SHISA9: variants seen among roughly 807,000 people sequenced by gnomAD.
SHISA9 encodes the protein shisa family member 9.
Under a neutral mutation model 38.0 loss-of-function variants are expected in SHISA9, and 13 were observed. That is an observed-to-expected ratio of 0.34 (90% confidence interval 0.22 to 0.54). The LOEUF is 0.54. Ranked by LOEUF, SHISA9 falls within the 20% of genes least tolerant of loss-of-function variation. The pLI, the probability that SHISA9 is intolerant of heterozygous loss-of-function variation, is 0.91. For missense variants in SHISA9, 538 were observed against 575.8 expected (o/e 0.93, Z 0.67); for synonymous variants, 275 against 242.0 (o/e 1.14, Z -1.27).
intron 2 of SHISA9, among the ~76,000 whole-genome samples, chr16:13,000,156 C>T (rs939004140): frequency 6.6e-6 from 1 of 151,830 alleles, no homozygotes; most frequent in African/African-American, 2.4e-5. Flanking sequence ...TGGAGTCAGA[C>T]GTCCCTGAAA....
the SHISA9 span, among the ~76,000 whole-genome samples, chr16:13,475,382 A>G: frequency 6.6e-6 from 1 of 151,718 alleles, no homozygotes; most frequent in Non-Finnish European, 1.5e-5. Context: ...AAACAATTAT[A>G]TATGAAAGAG....
intron 2 of SHISA9, among the ~76,000 whole-genome samples, chr16:13,149,702 A>G (rs1318690342): frequency 6.6e-6 from 1 of 152,026 alleles, no homozygotes; most frequent in Non-Finnish European, 1.5e-5. Flanking sequence ...AGGCAGGTGG[A>G]TCACTTGAGG....
the SHISA9 span, among the ~76,000 whole-genome samples, chr16:13,356,200 G>C: frequency 6.6e-6 from 1 of 152,194 alleles, no homozygotes; most frequent in Non-Finnish European, 1.5e-5. Context: ...ATTAAATCCT[G>C]TTGTGGGGTT....
intron 2 of SHISA9, among the ~76,000 whole-genome samples, chr16:13,016,224 C>T (rs1416038525): frequency 6.6e-6 from 1 of 151,842 alleles, no homozygotes; most frequent in African/African-American, 2.4e-5. Flanking sequence ...ATCTGCCTAT[C>T]TTGGCCTCCC....
chr16:12,956,959 T>C (rs2071844170), intron 2 of SHISA9, among the ~76,000 whole-genome samples: 1 of 152,190 alleles, frequency 6.6e-6, no homozygotes, highest in African/African-American at 2.4e-5. Flanking sequence ...TGTATATATA[T>C]TCATCACCAA....
At chr16:13,301,785 G>C in the SHISA9 span, among the ~76,000 whole-genome samples, 33 of 152,264 alleles carry the variant, frequency 2.2e-4, no homozygotes, top group African/African-American at 7.7e-4. Context: ...AGGAGCATGG[G>C]CTTTGGAATG....
At chr16:13,545,798 G>C in the SHISA9 span, among the ~76,000 whole-genome samples, 1 of 152,118 alleles carries the variant, frequency 6.6e-6, no homozygotes, top group Non-Finnish European at 1.5e-5. Flanking sequence ...CACCGGTCCC[G>C]ATCCGCTTCT....
At chr16:13,116,638 G>A (rs1485993108) in intron 2 of SHISA9, among the ~76,000 whole-genome samples, 1 of 152,196 alleles carries the variant, frequency 6.6e-6, no homozygotes, top group Admixed American at 6.5e-5. Context: ...CATGGTGGGT[G>A]CTCAGCAAGT....
At chr16:13,000,874 G>A (rs2072515463) in intron 2 of SHISA9, among the ~76,000 whole-genome samples, 1 of 152,196 alleles carries the variant, frequency 6.6e-6, no homozygotes, top group Admixed American at 6.5e-5. Context: ...GGACAGCTGG[G>A]AGATGAAAAT....
At chr16:13,028,461 C>G (rs1206593952) in intron 2 of SHISA9, among the ~76,000 whole-genome samples, 1 of 152,100 alleles carries the variant, frequency 6.6e-6, no homozygotes, top group Non-Finnish European at 1.5e-5. Context: ...AAAGACACGT[C>G]TTACATGGTG....
At chr16:13,059,977 C>G (rs1260398700) in intron 2 of SHISA9, among the ~76,000 whole-genome samples, 2 of 152,186 alleles carry the variant, frequency 1.3e-5, no homozygotes, top group Non-Finnish European at 2.9e-5. Flanking sequence ...GCCATCCTGT[C>G]TGTGGTTCTT....
At chr16:13,012,700 A>G (rs894361307) in intron 2 of SHISA9, among the ~76,000 whole-genome samples, 9 of 152,196 alleles carry the variant, frequency 5.9e-5, no homozygotes, top group African/African-American at 2.2e-4. Context: ...TAGCCACAGC[A>G]TCATAAAGGG....
At chr16:12,918,096 A>G (rs1022418853) in intron 2 of SHISA9, among the ~76,000 whole-genome samples, 48 of 152,212 alleles carry the variant, frequency 3.2e-4, no homozygotes, top group Admixed American at 2.9e-3. Flanking sequence ...ATTTAACATT[A>G]TTAGTGAACT....
At position 13,239,430 on chromosome 16, in the gene SHISA9, T is replaced by A. The variant is rs893210285; in HGVS notation, c.*4021T>A. On this transcript the variant is annotated 3_prime_UTR_variant, in exon 5 of 5. Transcript: ENST00000558583. ...TCGCCACACTGACTTCCACAATGGT[T>A]GAACTAGTTTACAGTCCCACCAGCA... The A allele has an allele frequency of 3.4e-4, 51 of 151,386 alleles. No individual in the cohort carries two copies. The highest frequency in any genetic ancestry group is 5.3e-4 in the Non-Finnish European group (36 of 67,676). 9.4% of individuals were successfully genotyped at this position (151,386 alleles called of 1,614,324 possible).
At chr16:13,084,031 A>G (rs1276293677) in intron 2 of SHISA9, among the ~76,000 whole-genome samples, 2 of 152,216 alleles carry the variant, frequency 1.3e-5, no homozygotes, top group South Asian at 2.1e-4. Context: ...AGCAGGCATT[A>G]GAGAAGAAAT....
the SHISA9 span, among the ~76,000 whole-genome samples, chr16:13,461,076 A>T: frequency 1.3e-5 from 2 of 152,194 alleles, no homozygotes; most frequent in African/African-American, 4.8e-5. Flanking sequence ...TGATTTGCTC[A>T]AACATCTTTG....
At chr16:13,213,623 A>G (rs1212842372) in intron 4 of SHISA9, among the ~76,000 whole-genome samples, 1 of 152,222 alleles carries the variant, frequency 6.6e-6, no homozygotes, top group Non-Finnish European at 1.5e-5. Context: ...GGCAAATGGC[A>G]AAACACAAGG....
rs75653981 is a variant in SHISA9 at position 13,125,029 on chromosome 16, G to A, written c.692-78365G>A. ...CTATGAAATGACTACAAAAACATGAGACACAATCTCCAGGACGTTGAAGTG... is the reference window on the plus strand; with the variant it reads ...CTATGAAATGACTACAAAAACATGAAACACAATCTCCAGGACGTTGAAGTG... On this transcript the variant is annotated intron_variant, in intron 2 of 4. Transcript: ENST00000558583. 5.5e-3 allele frequency among the ~76,000 whole-genome samples: 833 copies of A among 152,120 alleles called. 9 individuals are homozygous for A. The highest frequency in any genetic ancestry group is 0.019 in the African/African-American group (776 of 41,498).
In SHISA9 at chr16:13,146,867, C is replaced by T. The variant is rs540228978; in HGVS notation, c.692-56527C>T. 5.3e-5 allele frequency among the ~76,000 whole-genome samples: 8 copies of T among 152,160 alleles called. No homozygotes were observed. The South Asian group carries it at 8.3e-4, about 16-fold the overall frequency. ...CCAGTTTCAGATATAGATTATGGGA[C>T]GAGGTTTCTGGAGAAAAGTCTGATT... On this transcript the variant is annotated intron_variant, in intron 2 of 4. Transcript: ENST00000558583.
Sources: allele counts gnomAD v4.1 joint callset (sites outside exome capture counted in the v4.1 genomes callset), GRCh38; gene constraint gnomAD v4.1.1; transcripts MANE v1.5; gene names NCBI Gene and HGNC (gene_info 2026-07-23, HGNC 2026-07-21).